The following ANAPC10 variants were observed in gnomAD, a reference collection of about 807,000 sequenced individuals.
The protein encoded by ANAPC10 is anaphase promoting complex subunit 10, also known as anaphase-promoting complex subunit 10.
ANAPC10 carries 12 observed loss-of-function variants against 22.0 expected under a neutral mutation model. The ratio of observed to expected loss-of-function variants is 0.55; its 90% confidence interval spans 0.35 to 0.88. The LOEUF is 0.88. Among genes scored for constraint, ANAPC10 ranks in the 40% least tolerant of loss-of-function variants. ANAPC10 has a pLI of 0.01. For missense variants in ANAPC10, 188 were observed against 220.9 expected (o/e 0.85, Z 0.94); for synonymous variants, 65 against 69.5 (o/e 0.94, Z 0.32).
intron 4 of ANAPC10, among the ~76,000 whole-genome samples, chr4:145,047,048 C>T (rs1448171132): frequency 2.0e-5 from 3 of 152,060 alleles, no homozygotes; most frequent in East Asian, 3.9e-4. Context: ...GATGTTTTTA[C>T]ACTGCTTATC....
At chr4:145,064,775 C>CAGAAG in intron 3 of ANAPC10, 83 bp from the exon 4 acceptor site, 1 of 1,211,160 alleles carries the variant, frequency 8.3e-7, no homozygotes, top group Non-Finnish European at 1.1e-6. Context: ...TTTTAAAAAT[C>CAGAAG]ATAGTTTGCT....
At chr4:145,072,948 A>G (rs554564007) in intron 3 of ANAPC10, among the ~76,000 whole-genome samples, 1 of 150,302 alleles carries the variant, frequency 6.7e-6, no homozygotes, top group East Asian at 1.9e-4. Flanking sequence ...CCCAGGCTGG[A>G]GTGCAGTGGC....
rs1162492972 is a variant in ANAPC10 at position 145,032,368 on chromosome 4, CTGGA to C, written c.327+32200_327+32203del. ...TCATGGGCTGTAGCCAATGGATCGG[CTGGA>C]TGGTCAGGGACTTGGAAGAATCATG... On this transcript the variant is annotated intron_variant, in intron 4 of 4. Coordinates refer to ENST00000507656, the MANE Select transcript of ANAPC10 (RefSeq NM_001256706.2). Among the ~76,000 whole-genome samples the C allele has an allele frequency of 2.6e-5, 4 of 152,304 alleles. No homozygotes were observed. In the East Asian group the frequency reaches 7.7e-4, roughly 29 times the overall value.
intron 4 of ANAPC10, among the ~76,000 whole-genome samples, chr4:145,027,511 T>C (rs928740172): frequency 9.2e-5 from 14 of 152,176 alleles, no homozygotes; most frequent in Admixed American, 3.9e-4. Context: ...TTCAAATTGA[T>C]AGAAACCATT....
chr4:145,095,873 T>G (rs1748430343), intron 2 of ANAPC10, 112 bp downstream of exon 2: 3 of 1,404,522 alleles, frequency 2.1e-6, no homozygotes, highest in African/African-American at 1.4e-5. Context: ...ATCCATGGTT[T>G]TAGGCATCCA....
intron 4 of ANAPC10, among the ~76,000 whole-genome samples, chr4:144,997,348 T>C (rs1025135619): frequency 6.6e-6 from 1 of 152,082 alleles, no homozygotes; most frequent in Non-Finnish European, 1.5e-5. Context: ...AAAGGTCGGG[T>C]TGCCCACAAA....
intron 3 of ANAPC10, among the ~76,000 whole-genome samples, chr4:145,078,576 A>G (rs1324471579): frequency 1.3e-5 from 2 of 152,212 alleles, no homozygotes; most frequent in African/African-American, 4.8e-5. Flanking sequence ...AAGCAATACT[A>G]AGCAAAAAGA....
chr4:145,008,674 T>A (rs1733809224), intron 4 of ANAPC10, among the ~76,000 whole-genome samples: 1 of 152,162 alleles, frequency 6.6e-6, no homozygotes, highest in Admixed American at 6.5e-5. Context: ...AACTAGGAAT[T>A]GATGGGACGT....
chr4:145,095,962 C>G, intron 2 of ANAPC10, 23 bp downstream of exon 2: 1 of 1,613,902 alleles, frequency 6.2e-7, no homozygotes, highest in Non-Finnish European at 8.5e-7. Flanking sequence ...TTTCCAACAG[C>G]TTTTTTGTTT....
At chr4:145,019,726 A>T (rs1208446474) in intron 4 of ANAPC10, among the ~76,000 whole-genome samples, 1 of 152,186 alleles carries the variant, frequency 6.6e-6, no homozygotes, top group African/African-American at 2.4e-5. Context: ...AAATCCAAAT[A>T]ACCTCAATAA....
chr4:145,030,706 C>G (rs1737438149), intron 4 of ANAPC10, among the ~76,000 whole-genome samples: 1 of 152,186 alleles, frequency 6.6e-6, no homozygotes, highest in Admixed American at 6.5e-5. Context: ...GGCTCCCTGA[C>G]TGGTAGGGTG....
chr4:145,018,579 A>T (rs576122765), intron 4 of ANAPC10, among the ~76,000 whole-genome samples: 1 of 152,186 alleles, frequency 6.6e-6, no homozygotes, highest in Non-Finnish European at 1.5e-5. Context: ...CAGAGTTTGC[A>T]GTGAGCCGAG....
chr4:145,004,040 G>T (rs192154375), intron 4 of ANAPC10, among the ~76,000 whole-genome samples: 34 of 151,894 alleles, frequency 2.2e-4, no homozygotes, highest in African/African-American at 8.2e-4. Flanking sequence ...GTAGTATCTT[G>T]TAATTCTCAT....
chr4:145,016,432 CA>C (rs1735151364), intron 4 of ANAPC10, among the ~76,000 whole-genome samples: 2 of 152,174 alleles, frequency 1.3e-5, no homozygotes, highest in African/African-American at 4.8e-5. Context: ...AGGACCTCTT[CA>C]AGGAGAACTA....
chr4:145,079,424 C>A (rs1745638466), intron 3 of ANAPC10, among the ~76,000 whole-genome samples: 1 of 152,192 alleles, frequency 6.6e-6, no homozygotes, highest in Non-Finnish European at 1.5e-5. Flanking sequence ...TTATACACTG[C>A]TGGTGGTAAT....
At chr4:145,006,650 T>C (rs1484404999) in intron 4 of ANAPC10, among the ~76,000 whole-genome samples, 1 of 152,202 alleles carries the variant, frequency 6.6e-6, no homozygotes, top group Non-Finnish European at 1.5e-5. Flanking sequence ...ATTTTATTTC[T>C]GTATAATTGT....
intron 4 of ANAPC10, among the ~76,000 whole-genome samples, chr4:145,015,191 A>G (rs1309390477): frequency 1.7e-4 from 26 of 152,072 alleles, no homozygotes. Flanking sequence ...CCAAAAAATG[A>G]TACAAGAAGT....
At chr4:145,026,685 A>G (rs1193040694) in intron 4 of ANAPC10, among the ~76,000 whole-genome samples, 1 of 151,740 alleles carries the variant, frequency 6.6e-6, no homozygotes, top group Non-Finnish European at 1.5e-5. Flanking sequence ...ACAAGACAAA[A>G]TAAGACAGAA....
At chr4:145,095,642 C>T (rs572942517) in intron 2 of ANAPC10, among the ~76,000 whole-genome samples, 17 of 152,180 alleles carry the variant, frequency 1.1e-4, no homozygotes, top group Non-Finnish European at 2.2e-4. Context: ...TTTTATCTCT[C>T]ACATCATCGC....
Sources: gnomAD v4.1 joint callset for allele counts (sites outside exome capture counted in the v4.1 genomes callset) on GRCh38, gnomAD v4.1.1 for gene constraint, MANE v1.5 for transcripts, NCBI Gene and HGNC (gene_info 2026-07-23, HGNC 2026-07-21) for gene names.